MRPS10: variants seen among roughly 807,000 people sequenced by gnomAD.
MRPS10 encodes mitochondrial ribosomal protein S10.
MRPS10 carries 23 observed loss-of-function variants against 27.5 expected under a neutral mutation model. The ratio of observed to expected loss-of-function variants is 0.84; its 90% CI spans 0.60 to 1.18. The LOEUF (loss-of-function observed/expected upper bound fraction) is 1.18, where lower values mean the gene tolerates loss of function less well. Among genes scored for constraint, MRPS10 ranks in the 50% most tolerant of loss-of-function variants. The pLI, the probability that MRPS10 is intolerant of heterozygous loss-of-function variation, is 0.00. For synonymous variants in MRPS10, 88 were observed against 84.2 expected (o/e 1.04, Z -0.25); for missense variants, 237 against 240.1 (o/e 0.99, Z 0.09).
At chr6:42,208,829 A>T in intron 6 of MRPS10, 29 bp downstream of exon 6, 1 of 1,464,796 alleles carries the variant, frequency 6.8e-7, no homozygotes, top group Non-Finnish European at 9.5e-7. Flanking sequence ...CCACCGCCCC[A>T]CCGAAAGAGG....
At chr6:42,208,434 G>A (rs764893095) in intron 6 of MRPS10, 62 bp from the exon 7 acceptor site, 99 of 1,239,274 alleles carry the variant, frequency 8.0e-5, no homozygotes, top group Admixed American at 5.7e-4. Flanking sequence ...ACTACAAATC[G>A]GACTTATTAA....
rs1394224916 is a variant in MRPS10, at chr6:42,214,303, T to C, written c.90A>G (p.Thr30=). The C allele has an allele frequency of 7.4e-6, 12 of 1,612,990 alleles. No individual in the cohort carries two copies. The African/African-American group carries it at 1.6e-4, about 22-fold the overall frequency. The change falls in exon 2 of 7, where the codon ACA becomes ACG. Residue 30 remains threonine (T), a synonymous_variant. Transcript: ENST00000053468. ...ACAGAAGCAAGCCACCATTTTTGGC[T>C]GTATTGCCCTTAGAAGTGTTTACAG... ...NFSVNTSKGN[T]AKNGGLLLST...
intron 1 of MRPS10, among the ~76,000 whole-genome samples, chr6:42,216,759 C>T (rs1768953091): frequency 6.6e-6 from 1 of 151,954 alleles, no homozygotes; most frequent in Non-Finnish European, 1.5e-5. Flanking sequence ...TGTAGTGAGC[C>T]GAGATCGTGC....
chr6:42,217,006 G>A lies in MRPS10; in HGVS notation c.48+796C>T, dbSNP rs377654402. Among the ~76,000 whole-genome samples the A allele has an allele frequency of 1.4e-4, 22 of 152,230 alleles. No individual in the cohort carries two copies. The South Asian group carries it at 4.4e-3, about 30-fold the overall frequency. On this transcript the variant is annotated intron_variant, in intron 1 of 6. Transcript: ENST00000053468. ...CGTGACAGCCTGAGGTGTGATATAGGAAAAGATTAAATACAGAAGCAGATT... is the reference window on the plus strand; with the variant it reads ...CGTGACAGCCTGAGGTGTGATATAGAAAAAGATTAAATACAGAAGCAGATT...
At chr6:42,216,385 A>AGAGTGTGTGTGTGTGT in intron 1 of MRPS10, among the ~76,000 whole-genome samples, 41 of 58,696 alleles carry the variant, frequency 7.0e-4, no homozygotes, top group African/African-American at 1.8e-3. Context: ...AGAGAGAGAG[A>AGAGTGTGTGTGTGTGT]GTGTGTGTGT....
At position 42,208,378 on chromosome 6, in the gene MRPS10, AAAAG is replaced by A; in HGVS notation, c.523-10_523-7del. On this transcript the variant is annotated splice_region_variant and splice_polypyrimidine_tract_variant and intron_variant, in intron 6 of 6. Transcript: ENST00000053468. ...GGTAACTGTTCTAATTGTGTCTAAA[AAAAG>A]AAAGAAACAAAACTATAATGTGGAT... is the stretch of plus-strand genomic sequence containing the variant. The A allele has an allele frequency of 1.3e-6, 2 of 1,575,684 alleles. No individual in the cohort carries two copies. Among genetic ancestry groups the A allele is most frequent in the South Asian group, 1.1e-5 (1 of 87,174 alleles).
chr6:42,216,026 C>CT (rs34985131), intron 1 of MRPS10, among the ~76,000 whole-genome samples: 17,409 of 56,876 alleles, frequency 0.31, 2,813 homozygotes, highest in African/African-American at 0.52. Context: ...TTTTTCTTTT[C>CT]TTTTTTTTTT....
chr6:42,210,656 A>AT, intron 4 of MRPS10, 60 bp from the exon 5 acceptor site: 1 of 1,576,574 alleles, frequency 6.3e-7, no homozygotes, highest in Admixed American at 1.8e-5. Context: ...TAATTCCATA[A>AT]TTTTGTAGGT....
intron 3 of MRPS10, among the ~76,000 whole-genome samples, chr6:42,213,619 A>T (rs189546494): frequency 2.6e-5 from 4 of 152,338 alleles, no homozygotes; most frequent in Non-Finnish European, 5.9e-5. Context: ...AAGGATTTTT[A>T]AAAATTACAA....
At chr6:42,215,426 G>A (rs1212307169) in intron 1 of MRPS10, among the ~76,000 whole-genome samples, 2 of 148,956 alleles carry the variant, frequency 1.3e-5, no homozygotes, top group South Asian at 2.1e-4. Flanking sequence ...ACCTAAGTAC[G>A]TTTTTGTTTG....
At chr6:42,214,686 T>C (rs2273282) in intron 1 of MRPS10, among the ~76,000 whole-genome samples, 8,933 of 152,308 alleles carry the variant, frequency 0.059, 358 homozygotes, top group Admixed American at 0.11. Flanking sequence ...TTAATTGTAC[T>C]TCAGTATAAT....
At position 42,217,774 on chromosome 6, in the gene MRPS10, C is replaced by T. The variant is rs369536491; in HGVS notation, c.48+28G>A. 6.1e-5 allele frequency: 99 copies of T among 1,613,116 alleles called. No individual in the cohort carries two copies. The African/African-American group carries it at 1.1e-3, about 19-fold the overall frequency. ...TTAAAAGCAACTATCCCGGTCAGCC[C>T]TCCTAGTCTCCCTAGCCAATCCAGT... is the stretch of plus-strand genomic sequence containing the variant. On this transcript the variant is annotated intron_variant, in intron 1 of 6. Coordinates refer to ENST00000053468, the MANE Select transcript of MRPS10 (RefSeq NM_018141.4).
At chr6:42,216,902 C>A (rs1768957105) in intron 1 of MRPS10, among the ~76,000 whole-genome samples, 1 of 152,144 alleles carries the variant, frequency 6.6e-6, no homozygotes, top group Admixed American at 6.5e-5. Flanking sequence ...TCCGGGAAAT[C>A]AAAACTATTT....
chr6:42,215,625 C>T (rs111722143), intron 1 of MRPS10, among the ~76,000 whole-genome samples: 10,032 of 152,004 alleles, frequency 0.066, 1,108 homozygotes, highest in African/African-American at 0.23. Flanking sequence ...TGGGGTTTCA[C>T]CATATTTCCC....
chr6:42,215,447 G>GT (rs1054362465), intron 1 of MRPS10, among the ~76,000 whole-genome samples: 3 of 151,190 alleles, frequency 2.0e-5, no homozygotes, highest in Non-Finnish European at 2.9e-5. Context: ...TTTTTTCAGG[G>GT]TTTTTTTGAG....
At chr6:42,217,658 C>T in intron 1 of MRPS10, 144 bp downstream of exon 1, 3 of 715,780 alleles carry the variant, frequency 4.2e-6, no homozygotes, top group Admixed American at 2.6e-5. Context: ...AAAACTAGCC[C>T]CTTTCTCGTC....
intron 6 of MRPS10, 87 bp downstream of exon 6, chr6:42,208,771 C>T: frequency 2.2e-6 from 2 of 918,464 alleles, no homozygotes. Context: ...ACTCAGTGGG[C>T]CAGGACCAGG....
intron 5 of MRPS10, 138 bp downstream of exon 5, chr6:42,210,350 A>C (rs1768741852): frequency 1.9e-5 from 7 of 373,650 alleles, no homozygotes; most frequent in Non-Finnish European, 3.4e-5. Flanking sequence ...ATAAACACTA[A>C]AAGATATTTA....
Position 42,208,334 on chromosome 6 carries a change from T to G in MRPS10, c.561A>C (p.Pro187=). 1 of 1,613,014 alleles carries G rather than the reference T, an allele frequency of 6.2e-7. No individual in the cohort carries two copies. Among genetic ancestry groups the G allele is most frequent in the East Asian group, 2.2e-5 (1 of 44,852 alleles). ...LEQLPEHIKE[P]IWETLSEEKE... The stretch of plus-strand genomic sequence containing the variant: ...TTTCTTCTGATAGTGTTTCCCAGAT[T>G]GGCTCCTTGATGTGTTCTGGTAACT... The change falls in exon 7 of 7, where the codon CCA becomes CCC. Residue 187 remains proline (P), a synonymous_variant. Coordinates refer to ENST00000053468, the MANE Select transcript of MRPS10 (RefSeq NM_018141.4).
Sources: allele counts gnomAD v4.1 joint callset (sites outside exome capture counted in the v4.1 genomes callset), GRCh38; gene constraint gnomAD v4.1.1; transcripts MANE v1.5; gene names NCBI Gene and HGNC (gene_info 2026-07-23, HGNC 2026-07-21).